Variants in LAT observed in about 807,000 individuals in gnomAD.
LAT encodes the protein linker for activation of T-cells family member 1.
LAT carries 12 observed loss-of-function variants against 39.1 expected under a neutral mutation model. The observed-to-expected ratio is 0.31, with a 90% CI of 0.20 to 0.50. LAT has a LOEUF of 0.50. Among genes scored for constraint, LAT ranks in the 20% least tolerant of loss-of-function variants. The pLI, the probability that LAT is intolerant of heterozygous loss-of-function variation, is 0.98. For missense variants in LAT, 253 were observed against 308.0 expected (o/e 0.82, Z 1.34); for synonymous variants, 117 against 123.8 (o/e 0.95, Z 0.36).
Position 28,986,285 on chromosome 16 carries a change from C to T in LAT, c.245+69C>T. 2.6e-6 allele frequency: 4 copies of T among 1,560,468 alleles called. No homozygotes were observed. The highest frequency in any genetic ancestry group is 1.7e-5 in the Admixed American group (1 of 57,962). On this transcript the variant is annotated intron_variant, in intron 4 of 11. Coordinates refer to ENST00000395456, the MANE Select transcript of LAT (RefSeq NM_001014987.2). The surrounding 1 kb of genome is among the most constrained non-coding windows in gnomAD (Gnocchi z 5.7). ...CCCCCTCCAAACTCCACTCTCTACC[C>T]CTTCACTTTTTTGGATTGGGGGCCC... is the stretch of plus-strand genomic sequence containing the variant.
chr16:28,987,926 T>TAA (rs11287177), intron 8 of LAT: 2 of 139,556 alleles, frequency 1.4e-5, no homozygotes, highest in Non-Finnish European at 3.2e-5. Context: ...ACCTCATCTT[T>TAA]AAAAAAAAAA....
In LAT at chr16:28,985,903, G is replaced by C; in HGVS notation, c.163+15G>C. 1 of 1,613,874 alleles carries C rather than the reference G, an allele frequency of 6.2e-7. No homozygotes were observed. Among genetic ancestry groups the C allele is most frequent in the East Asian group, 2.2e-5 (1 of 44,862 alleles). On this transcript the variant is annotated intron_variant, in intron 3 of 11. Coordinates refer to ENST00000395456, the MANE Select transcript of LAT (RefSeq NM_001014987.2). This position sits in a 1 kb window ranked among gnomAD's most constrained non-coding sequence, Gnocchi z 4.6. ...CAAACGGCCTCGTGAGTACAAGGAG[G>C]GTCCCCTACCTTGGGTGCCAGGGAG...
intron 8 of LAT, 182 bp from the exon 9 acceptor site, chr16:28,989,345 A>G: frequency 1.7e-6 from 1 of 592,168 alleles, no homozygotes; most frequent in Admixed American, 3.2e-5. Context: ...CATCACCAAC[A>G]CCATCCTTGC....
chr16:28,985,610 C>G lies in LAT; in HGVS notation c.100+93C>G, dbSNP rs574286659. On this transcript the variant is annotated intron_variant, in intron 1 of 11. Transcript: ENST00000395456. This position sits in a 1 kb window ranked among gnomAD's most constrained non-coding sequence, Gnocchi z 4.6. ...CCCCTGTGTCTGTCCTGGCTCTGTC[C>G]CTGCCTCCGTCCTGATCCCAGCGCC... 6.2e-7 allele frequency: 1 copy of G among 1,603,882 alleles called. No homozygotes were observed. Among genetic ancestry groups the G allele is most frequent in the African/African-American group, 1.3e-5 (1 of 74,802 alleles).
Position 28,986,039 on chromosome 16 carries a change from C to T in LAT, c.164-96C>T. 2.9e-6 allele frequency: 4 copies of T among 1,383,642 alleles called. No individual in the cohort carries two copies. The highest frequency in any genetic ancestry group is 4.1e-6 in the Non-Finnish European group (4 of 976,496). The allele number at this position is 1,383,642 out of a possible 1,614,324, so 85.7% of individuals were successfully genotyped here. ...GGAGAGGGGAGATGGCTCCCCCAGG[C>T]CTGTCCAGGGTGTGGGGCTTTCAGG... On this transcript the variant is annotated intron_variant, in intron 3 of 11. Transcript: ENST00000395456. This position sits in a 1 kb window ranked among gnomAD's most constrained non-coding sequence, Gnocchi z 5.7.
At chr16:28,984,941 G>T (rs1206112791), upstream of LAT, 3 of 1,528,906 alleles carry the variant, frequency 2.0e-6, no homozygotes, top group South Asian at 3.7e-5. Flanking sequence ...AGTGCCTGGG[G>T]TGGCTCCCGG....
Position 28,986,497 on chromosome 16 carries a change from T to C in LAT, c.311-43T>C, listed in dbSNP as rs760570104. On this transcript the variant is annotated intron_variant, in intron 5 of 11. Coordinates refer to ENST00000395456, the MANE Select transcript of LAT (RefSeq NM_001014987.2). This position sits in a 1 kb window ranked among gnomAD's most constrained non-coding sequence, Gnocchi z 5.7. Reference sequence around the variant, plus strand: ...GCGGGGGCTGGGAAGAAGATAGGCCTGGCCTGAGCTGACTTAGTCTCCCTC... The same window carrying C: ...GCGGGGGCTGGGAAGAAGATAGGCCCGGCCTGAGCTGACTTAGTCTCCCTC... 14 of 1,611,594 alleles carry C rather than the reference T, an allele frequency of 8.7e-6. No homozygotes were observed. Among genetic ancestry groups the C allele is most frequent in the Non-Finnish European group, 1.2e-5 (14 of 1,178,184 alleles).
At position 28,990,312 on chromosome 16, in the gene LAT, T is replaced by TC; in HGVS notation, c.*137dup. On this transcript the variant is annotated 3_prime_UTR_variant, in exon 12 of 12. Coordinates refer to ENST00000395456, the MANE Select transcript of LAT (RefSeq NM_001014987.2). ...TCCAGCCTGACAACAGCCTGAGAAA[T>TC]CCCCCCGTAACTTATTATCACTTTG... The TC allele has an allele frequency of 1.6e-6, 1 of 625,008 alleles. No individual in the cohort carries two copies. Among genetic ancestry groups the TC allele is most frequent in the South Asian group, 1.5e-5 (1 of 65,520 alleles). The allele number at this position is 625,008 out of a possible 1,614,324, so 38.7% of individuals were successfully genotyped here.
rs772876855 is a variant in LAT at position 28,986,153 on chromosome 16, C to T, written c.182C>T (p.Pro61Leu). The T allele has an allele frequency of 1.1e-5, 17 of 1,601,100 alleles. No individual in the cohort carries two copies. In the East Asian group the frequency reaches 3.3e-4, roughly 31 times the overall value. ...FKRPHTVAPW[P>L]PAYPPVTSYP... The stretch of plus-strand genomic sequence containing the variant: ...TCCTCAGACACGGTTGCCCCCTGGC[C>T]ACCTGCCTACCCACCTGTCACCTCC... Residue 61 changes from proline (P) to leucine (L), a missense_variant, in exon 4 of 12, where the codon CCA becomes CTA. Pro to Leu is a moderately conservative substitution (Grantham distance 98, BLOSUM62 -3). Transcript: ENST00000395456. The surrounding 1 kb of genome is among the most constrained non-coding windows in gnomAD (Gnocchi z 5.7).
In LAT at chr16:28,985,602, G is replaced by A; in HGVS notation, c.100+85G>A. On this transcript the variant is annotated intron_variant, in intron 1 of 11. Coordinates refer to ENST00000395456, the MANE Select transcript of LAT (RefSeq NM_001014987.2). The surrounding 1 kb of genome is among the most constrained non-coding windows in gnomAD (Gnocchi z 4.6). Reference sequence around the variant, plus strand: ...ACTCCCAGCCCCTGTGTCTGTCCTGGCTCTGTCCCTGCCTCCGTCCTGATC... The same window carrying A: ...ACTCCCAGCCCCTGTGTCTGTCCTGACTCTGTCCCTGCCTCCGTCCTGATC... 2 of 1,602,812 alleles carry A rather than the reference G, an allele frequency of 1.2e-6. No homozygotes were observed.
At position 28,986,142 on chromosome 16, in the gene LAT, T is replaced by G; in HGVS notation, c.171T>G (p.Val57=). 6.3e-7 allele frequency: 1 copy of G among 1,595,590 alleles called. No homozygotes were observed. The highest frequency in any genetic ancestry group is 1.1e-5 in the South Asian group (1 of 87,796). The change falls in exon 4 of 12, where the codon GTT becomes GTG. Residue 57 remains valine, a synonymous_variant. Coordinates refer to ENST00000395456, the MANE Select transcript of LAT (RefSeq NM_001014987.2). This position sits in a 1 kb window ranked among gnomAD's most constrained non-coding sequence, Gnocchi z 5.7. ...RGIQFKRPHT[V]APWPPAYPPV... ...TTGGTTCTGTGTCCTCAGACACGGT[T>G]GCCCCCTGGCCACCTGCCTACCCAC...
Position 28,986,659 on chromosome 16 carries a change from C to G in LAT, c.343C>G (p.Pro115Ala). 5 of 1,613,968 alleles carry G rather than the reference C, an allele frequency of 3.1e-6. No homozygotes were observed. The highest frequency in any genetic ancestry group is 4.2e-6 in the Non-Finnish European group (5 of 1,179,962). The stretch of plus-strand genomic sequence containing the variant: ...GACCCCTGTGTCGTTACCCCCAGAA[C>G]CAGCCTGTGAGGATGCGGATGAGGA... The part of the protein sequence containing the change: ...NSVASYENEE[P>A]ACEDADEDED... Residue 115 changes from proline to alanine, a missense_variant and splice_region_variant, in exon 7 of 12, where the codon CCA (proline) becomes GCA (alanine). Physicochemically the swap from Pro to Ala is conservative, Grantham distance 27 (BLOSUM62 -1). Coordinates refer to ENST00000395456, the MANE Select transcript of LAT (RefSeq NM_001014987.2). The surrounding 1 kb of genome is among the most constrained non-coding windows in gnomAD (Gnocchi z 5.7).
intron 10 of LAT, 39 bp from the exon 11 acceptor site, chr16:28,989,894 T>C: frequency 6.2e-7 from 1 of 1,613,440 alleles, no homozygotes. Flanking sequence ...CTTGGGGGGA[T>C]AGCTTGCAAG....
At chr16:28,987,703 TTTCATTCATTCA>T (rs148444561) in intron 8 of LAT, 3 of 151,912 alleles carry the variant, frequency 2.0e-5, no homozygotes, top group African/African-American at 4.9e-5. Flanking sequence ...ACTTCTTTTC[TTTCATTCATTCA>T]TTCATTCATT....
chr16:28,987,926 T>TA (rs11287177), intron 8 of LAT: 244 of 139,538 alleles, frequency 1.7e-3, no homozygotes, highest in African/African-American at 2.2e-3. Flanking sequence ...ACCTCATCTT[T>TA]AAAAAAAAAA....
At position 28,986,423 on chromosome 16, in the gene LAT, C is replaced by G. The variant is rs1367732751; in HGVS notation, c.287C>G (p.Ser96Cys). Residue 96 changes from serine to cysteine, a missense_variant, in exon 5 of 12, where the codon TCT becomes TGT. Physicochemically the swap from Ser to Cys is moderately radical, Grantham distance 112. Coordinates refer to ENST00000395456, the MANE Select transcript of LAT (RefSeq NM_001014987.2). This position sits in a 1 kb window ranked among gnomAD's most constrained non-coding sequence, Gnocchi z 5.7. Reference protein sequence around the residue: ...QPLGGSHRTPSSRRDSDGANS... With the variant: ...QPLGGSHRTPCSRRDSDGANS... ...CTTGGGGGCTCCCACCGGACGCCAT[C>G]TTCCCGGCGGGATTCTGATGGTGGT... 1.2e-6 allele frequency: 2 copies of G among 1,614,000 alleles called. No homozygotes were observed.
In LAT at chr16:28,989,503, G is replaced by A. The variant is rs374673653; in HGVS notation, c.494-24G>A. 40 of 1,589,216 alleles carry A rather than the reference G, an allele frequency of 2.5e-5. No homozygotes were observed. The African/African-American group carries it at 4.4e-4, about 18-fold the overall frequency. On this transcript the variant is annotated intron_variant, in intron 8 of 11. Transcript: ENST00000395456. ...GCCAAGGGTCTCTGGTCACAGTGCC[G>A]AGGTGGGCCTGGCTTTTCCACAGTG...
At chr16:28,990,059 C>A in intron 11 of LAT, 40 bp downstream of exon 11, 1 of 1,531,638 alleles carries the variant, frequency 6.5e-7, no homozygotes, top group Non-Finnish European at 9.0e-7. Context: ...CCTGGGCCCA[C>A]AGGCTCTACT....
rs1250793061 is a variant in LAT, at chr16:28,986,399, T to C, written c.263T>C (p.Leu88Pro). 4 of 1,613,634 alleles carry C rather than the reference T, an allele frequency of 2.5e-6. No homozygotes were observed. The highest frequency in any genetic ancestry group is 1.7e-4 in the Middle Eastern group (1 of 6,060). The part of the protein sequence containing the change: ...LLPIPRSPQP[L>P]GGSHRTPSSR... ...ACTCCCAGAAGATCCCCGCAGCCCC[T>C]TGGGGGCTCCCACCGGACGCCATCT... The change falls in exon 5 of 12, where the codon CTT becomes CCT. Residue 88 changes from leucine (L) to proline (P), a missense_variant. Transcript: ENST00000395456. The surrounding 1 kb of genome is among the most constrained non-coding windows in gnomAD (Gnocchi z 5.7).
Sources: gnomAD v4.1 joint callset for allele counts on GRCh38, gnomAD v4.1.1 for gene constraint, Gnocchi (gnomAD v3.1) non-coding constraint, MANE v1.5 for transcripts, NCBI Gene and HGNC (gene_info 2026-07-23, HGNC 2026-07-21) for gene names.